Variants in NXPH1 observed in about 807,000 individuals in gnomAD.
NXPH1 encodes the protein neurexophilin-1.
NXPH1 carries 5 observed loss-of-function variants against 23.7 expected under a neutral mutation model. That is an observed-to-expected ratio of 0.21 (90% confidence interval 0.11 to 0.44). The LOEUF is 0.44. Ranked by LOEUF, NXPH1 falls within the 20% of genes least tolerant of loss-of-function variation. The pLI is 0.99. For synonymous variants in NXPH1, 144 were observed against 122.2 expected (o/e 1.18, Z -1.18); for missense variants, 324 against 321.6 (o/e 1.01, Z -0.06).
At chr7:8,528,854 A>T (rs150062455) in intron 2 of NXPH1, among the ~76,000 whole-genome samples, 26 of 152,332 alleles carry the variant, frequency 1.7e-4, no homozygotes, top group African/African-American at 6.0e-4. Context: ...ATTTCCACAA[A>T]TTTAGCAGTT....
At chr7:8,639,920 G>C (rs1167995511) in intron 2 of NXPH1, among the ~76,000 whole-genome samples, 1 of 152,126 alleles carries the variant, frequency 6.6e-6, no homozygotes, top group East Asian at 1.9e-4. Context: ...TTTGTTCTCA[G>C]TTTCAGGTAT....
At chr7:8,627,465 A>C (rs1486212057) in intron 2 of NXPH1, among the ~76,000 whole-genome samples, 1 of 152,162 alleles carries the variant, frequency 6.6e-6, no homozygotes, top group Non-Finnish European at 1.5e-5. Flanking sequence ...TCAATATTCT[A>C]AGTTGCCATG....
At chr7:8,473,460 G>T (rs533192148) in intron 2 of NXPH1, among the ~76,000 whole-genome samples, 4 of 152,058 alleles carry the variant, frequency 2.6e-5, no homozygotes, top group Admixed American at 6.5e-5. Context: ...TATACCCCCT[G>T]CCATCTAAAA....
chr7:8,527,589 A>C (rs1584213123), intron 2 of NXPH1, among the ~76,000 whole-genome samples: 2 of 152,304 alleles, frequency 1.3e-5, no homozygotes, highest in East Asian at 1.9e-4. Flanking sequence ...ATATTTATAA[A>C]TCTGGCAGGA....
intron 2 of NXPH1, among the ~76,000 whole-genome samples, chr7:8,700,132 G>C (rs1467154865): frequency 7.2e-5 from 11 of 152,152 alleles, no homozygotes; most frequent in Admixed American, 2.0e-4. Context: ...GCACCTGAGA[G>C]AAACTGTCAT....
rs760936782 is a variant in NXPH1, at chr7:8,751,143, C to T, written c.190C>T (p.Arg64Cys). Residue 64 changes from arginine to cysteine, a missense_variant, in exon 3 of 3, where the codon CGT (arginine) becomes TGT (cysteine). Transcript: ENST00000405863. This position sits in a 1 kb window ranked among gnomAD's most constrained non-coding sequence, Gnocchi z 4.5. ...CAGCCGACTCCTGTCACAGACTTTTCGTGGCAAAGAGAATGATACAGATTT... is the reference window on the plus strand; with the variant it reads ...CAGCCGACTCCTGTCACAGACTTTTTGTGGCAAAGAGAATGATACAGATTT... ...SISRLLSQTF[R>C]GKENDTDLDL... 6 of 1,613,648 alleles carry T rather than the reference C, an allele frequency of 3.7e-6. No homozygotes were observed. Among genetic ancestry groups the T allele is most frequent in the African/African-American group, 2.7e-5 (2 of 74,904 alleles).
intron 2 of NXPH1, among the ~76,000 whole-genome samples, chr7:8,593,289 T>G (rs1356910060): frequency 6.6e-6 from 1 of 151,828 alleles, no homozygotes; most frequent in Non-Finnish European, 1.5e-5. Context: ...GGCTATGAAC[T>G]GTAGATTTTT....
chr7:8,503,448 G>A (rs1315387896), intron 2 of NXPH1, among the ~76,000 whole-genome samples: 1 of 151,922 alleles, frequency 6.6e-6, no homozygotes, highest in African/African-American at 2.4e-5. Flanking sequence ...TTATATGCAA[G>A]TCCCACTACA....
intron 2 of NXPH1, among the ~76,000 whole-genome samples, chr7:8,611,863 A>G (rs1256233968): frequency 1.3e-5 from 2 of 152,090 alleles, no homozygotes; most frequent in South Asian, 2.1e-4. Flanking sequence ...CTAGAGTAAC[A>G]TGGAGAATTG....
chr7:8,720,218 A>G (rs184198385), intron 2 of NXPH1, among the ~76,000 whole-genome samples: 110 of 152,368 alleles, frequency 7.2e-4, no homozygotes, highest in African/African-American at 2.3e-3. Flanking sequence ...TTAAATAGCA[A>G]TAGGTAGTAC....
At position 8,464,012 on chromosome 7, in the gene NXPH1, C is replaced by T. The variant is rs114201956; in HGVS notation, c.54+28245C>T. Among the ~76,000 whole-genome samples the T allele has an allele frequency of 7.6e-3, 1,155 of 152,092 alleles. 13 individuals carry two copies. The highest frequency in any genetic ancestry group is 0.027 in the African/African-American group (1,101 of 41,462). ...AAACCATATGTTCCCAGAGACGTCT[C>T]TCCTCTTCCTCCTCCTCCTTTTCTT... On this transcript the variant is annotated intron_variant, in intron 2 of 2. Transcript: ENST00000405863.
At chr7:8,619,340 T>C (rs1213050239) in intron 2 of NXPH1, among the ~76,000 whole-genome samples, 1 of 152,190 alleles carries the variant, frequency 6.6e-6, no homozygotes, top group Non-Finnish European at 1.5e-5. Flanking sequence ...TCTATTCTCT[T>C]GTTAACATTT....
intron 2 of NXPH1, among the ~76,000 whole-genome samples, chr7:8,598,005 C>T (rs1044607123): frequency 2.0e-5 from 3 of 152,124 alleles, no homozygotes; most frequent in African/African-American, 4.8e-5. Context: ...TCCAGCTCTG[C>T]TATAGAAAGC....
At chr7:8,610,439 A>G (rs1300834994) in intron 2 of NXPH1, among the ~76,000 whole-genome samples, 1 of 152,194 alleles carries the variant, frequency 6.6e-6, no homozygotes. Context: ...AGGAGCACAC[A>G]TCACTATGGC....
chr7:8,449,275 C>T (rs1816462337), intron 2 of NXPH1, among the ~76,000 whole-genome samples: 2 of 152,216 alleles, frequency 1.3e-5, no homozygotes, highest in Non-Finnish European at 2.9e-5. Context: ...ATAGGTTACC[C>T]TATGCCCCCT....
chr7:8,566,706 C>A (rs577945191), intron 2 of NXPH1, among the ~76,000 whole-genome samples: 1 of 151,814 alleles, frequency 6.6e-6, no homozygotes, highest in African/African-American at 2.4e-5. Flanking sequence ...ATACTATTGG[C>A]TCCTCTGATT....
At chr7:8,720,920 A>G (rs1779960104) in intron 2 of NXPH1, among the ~76,000 whole-genome samples, 1 of 152,264 alleles carries the variant, frequency 6.6e-6, no homozygotes, top group Admixed American at 6.5e-5. Context: ...ATGCTGTTCA[A>G]AAATGTAAAG....
At chr7:8,566,684 G>C (rs1190838932) in intron 2 of NXPH1, among the ~76,000 whole-genome samples, 4 of 151,822 alleles carry the variant, frequency 2.6e-5, no homozygotes, top group Admixed American at 2.6e-4. Context: ...CTTTGGCTTT[G>C]AATTAAGAAT....
intron 2 of NXPH1, among the ~76,000 whole-genome samples, chr7:8,582,227 G>C (rs1030295777): frequency 1.3e-5 from 2 of 152,222 alleles, no homozygotes; most frequent in African/African-American, 2.4e-5. Flanking sequence ...CAAAGACAGT[G>C]TCATAGCCCT....
Sources: allele counts gnomAD v4.1 joint callset (sites outside exome capture counted in the v4.1 genomes callset), GRCh38; gene constraint gnomAD v4.1.1; non-coding constraint Gnocchi (gnomAD v3.1); transcripts MANE v1.5; gene names NCBI Gene and HGNC (gene_info 2026-07-23, HGNC 2026-07-21).